Variants in WDFY2 observed in about 807,000 individuals in gnomAD.
WDFY2 encodes WD repeat and FYVE domain containing 2, also known as WD repeat and FYVE domain-containing protein 2.
In WDFY2, 36 loss-of-function variants were observed where a neutral mutation model predicts 56.4. The ratio of observed to expected loss-of-function variants is 0.64; its 90% CI spans 0.49 to 0.84. WDFY2 has a LOEUF of 0.84. Ranked by LOEUF, WDFY2 falls within the 40% of genes least tolerant of loss-of-function variation. The pLI, the probability that WDFY2 is intolerant of heterozygous loss-of-function variation, is 0.00. For synonymous variants in WDFY2, 176 were observed against 183.7 expected, an observed-to-expected ratio of 0.96 and a Z score of 0.34; for missense variants, 444 against 512.2, an observed-to-expected ratio of 0.87 and a Z score of 1.29.
chr13:51,749,234 A>T (rs1411030745), intron 7 of WDFY2, among the ~76,000 whole-genome samples: 1 of 152,172 alleles, frequency 6.6e-6, no homozygotes, highest in African/African-American at 2.4e-5. Context: ...TTAATTCCAA[A>T]TTAAGTATAT....
chr13:51,756,026 G>C (rs1953369368), intron 9 of WDFY2, among the ~76,000 whole-genome samples: 1 of 151,236 alleles, frequency 6.6e-6, no homozygotes, highest in African/African-American at 2.4e-5. Flanking sequence ...CCCGCTTTAA[G>C]ATCACCTGGC....
rs1953657439 is a variant in WDFY2 at position 51,763,635 on chromosome 13, C to G, written c.*3866C>G. 6.6e-6 allele frequency: 1 copy of G among 152,042 alleles called. No individual in the cohort carries two copies. The highest frequency in any genetic ancestry group is 2.4e-5 in the African/African-American group (1 of 41,376). The allele number at this position is 152,042 out of a possible 1,614,324, so 9.4% of individuals were successfully genotyped here. ...CCACACAGCAAGATCCTGTCACTAC[C>G]AAAAATTCAAAACTTAGTTGGGTGT... On this transcript the variant is annotated 3_prime_UTR_variant, in exon 12 of 12. Coordinates refer to ENST00000298125, the MANE Select transcript of WDFY2 (RefSeq NM_052950.4).
At chr13:51,671,661 A>G (rs1955808258) in intron 2 of WDFY2, among the ~76,000 whole-genome samples, 1 of 142,030 alleles carries the variant, frequency 7.0e-6, no homozygotes, top group Admixed American at 7.0e-5. Context: ...AATTGCTAAG[A>G]TTTTTTTCCC....
chr13:51,697,743 A>G (rs1404073723), intron 3 of WDFY2, among the ~76,000 whole-genome samples: 2 of 152,174 alleles, frequency 1.3e-5, no homozygotes, highest in Non-Finnish European at 2.9e-5. Context: ...TTCAAAAAAT[A>G]GGTAGTGACA....
intron 3 of WDFY2, among the ~76,000 whole-genome samples, chr13:51,696,745 G>A (rs1422804129): frequency 6.6e-6 from 1 of 152,146 alleles, no homozygotes; most frequent in Non-Finnish European, 1.5e-5. Context: ...AAAACTAGAA[G>A]TCAGTTTACT....
chr13:51,596,269 A>C (rs1463022792), intron 1 of WDFY2, among the ~76,000 whole-genome samples: 1 of 152,210 alleles, frequency 6.6e-6, no homozygotes, highest in African/African-American at 2.4e-5. Context: ...AAATTAAATT[A>C]AGGAGGTTAA....
intron 6 of WDFY2, among the ~76,000 whole-genome samples, chr13:51,729,989 C>G (rs923821510): frequency 3.9e-5 from 6 of 152,190 alleles, no homozygotes; most frequent in African/African-American, 1.4e-4. Flanking sequence ...CATCCTCCCC[C>G]TCGGCCCCCC....
At chr13:51,745,980 T>C (rs556366827) in intron 7 of WDFY2, among the ~76,000 whole-genome samples, 154 of 141,310 alleles carry the variant, frequency 1.1e-3, no homozygotes, top group African/African-American at 3.7e-3. Context: ...TTTCTTTTTT[T>C]TTTTTTTTTT....
At chr13:51,756,772 G>A in intron 10 of WDFY2, 1 of 461,458 alleles carries the variant, frequency 2.2e-6, no homozygotes, top group Non-Finnish European at 2.8e-6. Flanking sequence ...TTACCCAGGA[G>A]TATAAGGGCT....
chr13:51,634,399 A>C (rs892489517), intron 1 of WDFY2, among the ~76,000 whole-genome samples: 37 of 152,322 alleles, frequency 2.4e-4, no homozygotes, highest in African/African-American at 8.2e-4. Flanking sequence ...ATATTTACCA[A>C]ACCTAAGGAA....
In WDFY2 at chr13:51,645,368, A is replaced by G. The variant is rs76580826; in HGVS notation, c.138-15228A>G. Among the ~76,000 whole-genome samples the G allele has an allele frequency of 0.013, 1,916 of 152,182 alleles. 82 individuals carry two copies. In the East Asian group the frequency reaches 0.14, roughly 11 times the overall value. Reference sequence around the variant, plus strand: ...TACTTCAGTTGTGGCAAAAATAACAATTGTCCCCTGGGAAATGAAGCTCAT... The same window carrying G: ...TACTTCAGTTGTGGCAAAAATAACAGTTGTCCCCTGGGAAATGAAGCTCAT... On this transcript the variant is annotated intron_variant, in intron 1 of 11. Transcript: ENST00000298125.
At chr13:51,672,808 A>G (rs1403357066) in intron 2 of WDFY2, among the ~76,000 whole-genome samples, 1 of 152,138 alleles carries the variant, frequency 6.6e-6, no homozygotes, top group Non-Finnish European at 1.5e-5. Flanking sequence ...TTCTGCAGCT[A>G]CTGTAAAAGG....
intron 1 of WDFY2, among the ~76,000 whole-genome samples, chr13:51,632,316 A>G (rs1437250918): frequency 6.6e-6 from 1 of 152,090 alleles, no homozygotes; most frequent in Non-Finnish European, 1.5e-5. Flanking sequence ...GAATAATTAT[A>G]TTCTAAAAAA....
At chr13:51,649,700 C>T (rs1269971661) in intron 1 of WDFY2, among the ~76,000 whole-genome samples, 1 of 151,634 alleles carries the variant, frequency 6.6e-6, no homozygotes, top group African/African-American at 2.4e-5. Context: ...TTTGTCCTTG[C>T]AATAGTTTGC....
In WDFY2 at chr13:51,763,289, A is replaced by G. The variant is rs1953647248; in HGVS notation, c.*3520A>G. The stretch of plus-strand genomic sequence containing the variant: ...TCCTCTTATCGAAAGCATATATGAC[A>G]GTTTTTTTGGCTCCGGCCCTGTGGT... On this transcript the variant is annotated 3_prime_UTR_variant, in exon 12 of 12. Transcript: ENST00000298125. 1 of 152,150 alleles carries G rather than the reference A, an allele frequency of 6.6e-6. No individual in the cohort carries two copies. The highest frequency in any genetic ancestry group is 1.5e-5 in the Non-Finnish European group (1 of 68,038). 9.4% of individuals were successfully genotyped at this position (152,150 alleles called of 1,614,324 possible).
chr13:51,692,270 CCA>C (rs1951756889), intron 3 of WDFY2, among the ~76,000 whole-genome samples: 1 of 152,146 alleles, frequency 6.6e-6, no homozygotes, highest in South Asian at 2.1e-4. Flanking sequence ...CTGTCTTGTG[CCA>C]GTTTTCAAAG....
At position 51,677,609 on chromosome 13, in the gene WDFY2, CATT is replaced by C. The variant is rs772588572; in HGVS notation, c.279+2370_279+2372del. Among the ~76,000 whole-genome samples, 10 of 152,282 alleles carry C rather than the reference CATT, an allele frequency of 6.6e-5. No individual in the cohort carries two copies. The South Asian group carries it at 1.5e-3, about 22-fold the overall frequency. ...AAAGTGTGAAATCAGAAAGTAACAT[CATT>C]ATTTCACTTTATTTTACTGAATAAA... On this transcript the variant is annotated intron_variant, in intron 3 of 11. Transcript: ENST00000298125.
intron 1 of WDFY2, among the ~76,000 whole-genome samples, chr13:51,603,373 G>A (rs901315743): frequency 5.9e-5 from 9 of 152,194 alleles, no homozygotes; most frequent in Admixed American, 2.0e-4. Context: ...GGTAGGGCCT[G>A]GAGCAGCAGG....
chr13:51,601,454 G>A (rs541973060), intron 1 of WDFY2, among the ~76,000 whole-genome samples: 122 of 149,720 alleles, frequency 8.1e-4, no homozygotes, highest in Non-Finnish European at 1.3e-3. Flanking sequence ...TGCTTTTGTC[G>A]CCCAGGCTGG....
Sources: allele counts gnomAD v4.1 joint callset (sites outside exome capture counted in the v4.1 genomes callset), GRCh38; gene constraint gnomAD v4.1.1; transcripts MANE v1.5; gene names NCBI Gene and HGNC (gene_info 2026-07-23, HGNC 2026-07-21).